THSD7B: variants seen among roughly 807,000 people sequenced by gnomAD.
THSD7B encodes the protein thrombospondin type-1 domain-containing protein 7B.
THSD7B carries 138 observed loss-of-function variants against 213.6 expected under a neutral mutation model. The ratio of observed to expected loss-of-function variants is 0.65; its 90% CI spans 0.56 to 0.74. THSD7B has a LOEUF of 0.74. Among genes scored for constraint, THSD7B ranks in the 30% least tolerant of loss-of-function variants. The pLI, the probability that THSD7B is intolerant of heterozygous loss-of-function variation, is 0.00. For missense variants in THSD7B, 1,931 were observed against 1,991.5 expected, an observed-to-expected ratio of 0.97 and a Z score of 0.58; for synonymous variants, 742 against 687.0, an observed-to-expected ratio of 1.08 and a Z score of -1.25.
chr2:137,462,947 T>C (rs1055504264), intron 15 of THSD7B, among the ~76,000 whole-genome samples: 2 of 152,180 alleles, frequency 1.3e-5, no homozygotes, highest in Middle Eastern at 3.4e-3. Flanking sequence ...AAATCTTCTA[T>C]CTGTGAAATT....
At chr2:136,922,258 A>G (rs377085515) in intron 2 of THSD7B, among the ~76,000 whole-genome samples, 3 of 152,310 alleles carry the variant, frequency 2.0e-5, no homozygotes, top group Admixed American at 6.5e-5. Context: ...TATGTCGAAC[A>G]GTATTATGTC....
chr2:137,647,001 C>T (rs1683045356), intron 21 of THSD7B, among the ~76,000 whole-genome samples: 1 of 152,106 alleles, frequency 6.6e-6, no homozygotes, highest in South Asian at 2.1e-4. Flanking sequence ...GCTTTATGAG[C>T]AGCCATTCTA....
chr2:137,126,853 A>G (rs955508140), intron 5 of THSD7B, among the ~76,000 whole-genome samples: 3 of 152,134 alleles, frequency 2.0e-5, no homozygotes, highest in Non-Finnish European at 4.4e-5. Context: ...AGGGTTATTA[A>G]TTGGCCTAAT....
At chr2:137,618,275 T>A in intron 18 of THSD7B, 117 bp from the exon 19 acceptor site, 1 of 760,830 alleles carries the variant, frequency 1.3e-6, no homozygotes, top group Non-Finnish European at 2.1e-6. Flanking sequence ...TACCTGGAAA[T>A]GATTTTAGGA....
At chr2:136,933,340 C>A (rs1684666271) in intron 2 of THSD7B, among the ~76,000 whole-genome samples, 1 of 151,898 alleles carries the variant, frequency 6.6e-6, no homozygotes, top group African/African-American at 2.4e-5. Context: ...TTTGGGAGGC[C>A]CAGGTGGGCA....
intron 1 of THSD7B, among the ~76,000 whole-genome samples, chr2:136,828,845 C>T (rs970013924): frequency 1.3e-5 from 2 of 152,170 alleles, no homozygotes; most frequent in African/African-American, 2.4e-5. Context: ...CTCCTTTTAT[C>T]TCTCACATAG....
intron 7 of THSD7B, among the ~76,000 whole-genome samples, chr2:137,175,504 C>T (rs552040268): frequency 6.6e-6 from 1 of 152,168 alleles, no homozygotes; most frequent in Admixed American, 6.5e-5. Flanking sequence ...ATTTTCCATG[C>T]AAATATTTTT....
chr2:137,461,162 A>G (rs1270252100), intron 15 of THSD7B, among the ~76,000 whole-genome samples: 1 of 152,098 alleles, frequency 6.6e-6, no homozygotes, highest in Non-Finnish European at 1.5e-5. Context: ...TACAAATAAC[A>G]CTATGACCAT....
intron 1 of THSD7B, among the ~76,000 whole-genome samples, chr2:136,852,061 T>G (rs1378783293): frequency 1.3e-5 from 2 of 152,092 alleles, no homozygotes; most frequent in East Asian, 3.9e-4. Flanking sequence ...ATAAGGTCCT[T>G]AAAATAGATG....
chr2:136,969,643 T>C (rs183515564), intron 2 of THSD7B, among the ~76,000 whole-genome samples: 116 of 152,290 alleles, frequency 7.6e-4, no homozygotes, highest in Non-Finnish European at 1.5e-3. Context: ...TTAAAAGGCA[T>C]GAATGGAGAC....
intron 14 of THSD7B, among the ~76,000 whole-genome samples, chr2:137,449,736 ATCTC>A (rs897870543): frequency 6.6e-6 from 1 of 151,870 alleles, no homozygotes; most frequent in South Asian, 2.1e-4. Context: ...CAGCAGGAGA[ATCTC>A]TCTCTCTCTA....
intron 7 of THSD7B, among the ~76,000 whole-genome samples, chr2:137,205,715 G>A (rs1438673496): frequency 2.0e-5 from 3 of 151,916 alleles, no homozygotes; most frequent in African/African-American, 7.2e-5. Flanking sequence ...ATATTTAAAG[G>A]TTCTCAGCTC....
intron 17 of THSD7B, among the ~76,000 whole-genome samples, chr2:137,600,697 C>A (rs1280912846): frequency 2.0e-5 from 3 of 152,178 alleles, no homozygotes; most frequent in Admixed American, 6.5e-5. Context: ...GAGATCATGC[C>A]ACTGCACTCC....
chr2:137,085,062 C>G (rs1275957109), intron 3 of THSD7B, among the ~76,000 whole-genome samples: 4 of 152,166 alleles, frequency 2.6e-5, no homozygotes, highest in African/African-American at 9.7e-5. Context: ...CTCCCTTTCT[C>G]TAGTGAGCTG....
intron 2 of THSD7B, among the ~76,000 whole-genome samples, chr2:137,036,831 T>C (rs550578162): frequency 1.3e-5 from 2 of 152,318 alleles, no homozygotes; most frequent in African/African-American, 2.4e-5. Flanking sequence ...GCACAGTGGC[T>C]GGGCTGAACC....
intron 12 of THSD7B, among the ~76,000 whole-genome samples, chr2:137,306,308 C>T (rs529918842): frequency 3.9e-5 from 6 of 152,166 alleles, no homozygotes; most frequent in South Asian, 2.1e-4. Context: ...AAAGTCATTA[C>T]GTGGCACATG....
intron 14 of THSD7B, among the ~76,000 whole-genome samples, chr2:137,415,494 T>A (rs1686774257): frequency 1.3e-5 from 2 of 152,142 alleles, no homozygotes; most frequent in African/African-American, 4.8e-5. Flanking sequence ...CAGCCCCTAT[T>A]GGCTCTTAAT....
intron 15 of THSD7B, among the ~76,000 whole-genome samples, chr2:137,516,201 T>C (rs1477456641): frequency 2.6e-5 from 4 of 152,196 alleles, no homozygotes; most frequent in Admixed American, 6.5e-5. Flanking sequence ...ACGGTGTTCC[T>C]AAAAGTGAAA....
intron 25 of THSD7B, among the ~76,000 whole-genome samples, chr2:137,660,142 CA>C (rs1223964212): frequency 6.6e-6 from 1 of 151,838 alleles, no homozygotes; most frequent in African/African-American, 2.4e-5. Context: ...TGAGTGAGTA[CA>C]TTTTTAGTTT....
Sources: gnomAD v4.1 joint callset for allele counts (sites outside exome capture counted in the v4.1 genomes callset) on GRCh38, gnomAD v4.1.1 for gene constraint, MANE v1.5 for transcripts, NCBI Gene and HGNC (gene_info 2026-07-23, HGNC 2026-07-21) for gene names.